Variants in SLC2A14 observed in about 807,000 individuals in gnomAD.
SLC2A14 encodes the protein solute carrier family 2 member 14, also known as solute carrier family 2, facilitated glucose transporter member 14.
Under a neutral mutation model 43.0 loss-of-function variants are expected in SLC2A14, and 13 were observed. The ratio of observed to expected loss-of-function variants is 0.30; its 90% CI spans 0.20 to 0.48. The LOEUF is 0.48. Among genes scored for constraint, SLC2A14 ranks in the 20% least tolerant of loss-of-function variants. SLC2A14 has a pLI of 0.99. For missense variants in SLC2A14, 428 were observed against 620.4 expected, an observed-to-expected ratio of 0.69 and a Z score of 3.29; for synonymous variants, 190 against 233.8, an observed-to-expected ratio of 0.81 and a Z score of 1.71.
At chr12:7,838,999 G>A (rs1487732848) in intron 2 of SLC2A14, among the ~76,000 whole-genome samples, 1 of 150,176 alleles carries the variant, frequency 6.7e-6, no homozygotes, top group African/African-American at 2.5e-5. Flanking sequence ...GCTACTGAAG[G>A]GAGAGGTCTC....
intron 2 of SLC2A14, among the ~76,000 whole-genome samples, chr12:7,856,008 A>G (rs1867341934): frequency 6.6e-6 from 1 of 152,146 alleles, no homozygotes; most frequent in Non-Finnish European, 1.5e-5. Context: ...TATAATTATA[A>G]TTAGCCATAT....
intron 2 of SLC2A14, among the ~76,000 whole-genome samples, chr12:7,867,417 A>G (rs1944986487): frequency 6.6e-6 from 1 of 152,008 alleles, no homozygotes; most frequent in African/African-American, 2.4e-5. Flanking sequence ...ACTTAAGTGG[A>G]GGAAGTAACT....
At chr12:7,887,806 C>G (rs1945712814) in intron 1 of SLC2A14, among the ~76,000 whole-genome samples, 3 of 152,118 alleles carry the variant, frequency 2.0e-5, no homozygotes, top group African/African-American at 4.8e-5. Context: ...GGCACCCATG[C>G]CTTCCTATAA....
Position 7,813,016 on chromosome 12 carries a change from G to T in SLC2A14, c.*1300C>A, listed in dbSNP as rs1043682691. 9.9e-5 allele frequency: 15 copies of T among 151,880 alleles called. No individual in the cohort carries two copies. Among genetic ancestry groups the T allele is most frequent in the African/African-American group, 3.6e-4 (15 of 41,322 alleles). The allele number at this position is 151,880 out of a possible 1,614,324, so 9.4% of individuals were successfully genotyped here. A position where few individuals can be genotyped will look rare whatever the true frequency, so the allele number is the denominator to read the frequency against. ...TTTATTGGAAAGATTCAAGTCCCCT[G>T]AGGGCATTCGGCATAGGACCACAGT... On this transcript the variant is annotated 3_prime_UTR_variant, in exon 11 of 11. Transcript: ENST00000431042.
At chr12:7,816,565 C>G (rs1262858070) in intron 10 of SLC2A14, among the ~76,000 whole-genome samples, 1 of 149,128 alleles carries the variant, frequency 6.7e-6, no homozygotes, top group Non-Finnish European at 1.5e-5. Context: ...ATTTTATGGA[C>G]AAAAGATATA....
intron 1 of SLC2A14, chr12:7,872,490 T>C (rs1945288881): frequency 6.6e-6 from 1 of 152,446 alleles, no homozygotes; most frequent in South Asian, 2.1e-4. Context: ...TACGGCATTT[T>C]GTTACGTATC....
upstream of SLC2A14, among the ~76,000 whole-genome samples, chr12:7,874,787 AAATATATAAAT>A (rs1565584560): frequency 4.9e-4 from 1 of 2,054 alleles, no homozygotes; most frequent in African/African-American, 6.4e-4. Flanking sequence ...ATAAATATAT[AAATATATAAAT>A]AATATATAAA....
intron 2 of SLC2A14, among the ~76,000 whole-genome samples, chr12:7,869,480 T>G (rs1404272286): frequency 2.6e-5 from 4 of 152,198 alleles, no homozygotes; most frequent in Admixed American, 2.6e-4. Flanking sequence ...TATTACTGTG[T>G]ACATTCATAT....
chr12:7,876,499 T>C (rs1219863110), upstream of SLC2A14, among the ~76,000 whole-genome samples: 1 of 145,136 alleles, frequency 6.9e-6, no homozygotes, highest in Non-Finnish European at 1.5e-5. Context: ...TTGGTGGAAA[T>C]GTAAATTGGT....
intron 2 of SLC2A14, among the ~76,000 whole-genome samples, chr12:7,862,514 C>T (rs747280578): frequency 3.9e-5 from 6 of 152,168 alleles, no homozygotes; most frequent in Non-Finnish European, 7.4e-5. Flanking sequence ...CGACGAATGC[C>T]GCCCCCTGCT....
At chr12:7,882,963 G>C (rs1016879172) in intron 1 of SLC2A14, among the ~76,000 whole-genome samples, 8 of 151,682 alleles carry the variant, frequency 5.3e-5, no homozygotes, top group Non-Finnish European at 7.4e-5. Flanking sequence ...GTAATCCCAG[G>C]ACTTCGGGAG....
rs1365557107 is a variant in SLC2A14 at position 7,871,534 on chromosome 12, G to A, written c.-58+1273C>T. 2.6e-5 allele frequency among the ~76,000 whole-genome samples: 4 copies of A among 152,072 alleles called. No homozygotes were observed. The South Asian group carries it at 8.3e-4, about 32-fold the overall frequency. On this transcript the variant is annotated intron_variant, in intron 1 of 10. Coordinates refer to ENST00000431042, the MANE Select transcript of SLC2A14 (RefSeq NM_001286234.2). ...GCTCCCAGTGGAGAAATCACGCCAA[G>A]AGAAGTGCAGTGCAGGACTGAGGCA... is the stretch of plus-strand genomic sequence containing the variant.
At chr12:7,887,360 A>T (rs7312671) in intron 1 of SLC2A14, among the ~76,000 whole-genome samples, 1 of 152,012 alleles carries the variant, frequency 6.6e-6, no homozygotes, top group Admixed American at 6.6e-5. Flanking sequence ...CCTGATCCCT[A>T]CCACCAAAGA....
chr12:7,882,139 T>G (rs1381016475), intron 1 of SLC2A14, among the ~76,000 whole-genome samples: 1 of 152,092 alleles, frequency 6.6e-6, no homozygotes, highest in Admixed American at 6.6e-5. Flanking sequence ...GCTCAGTTTT[T>G]GGGTCTGCAC....
intron 2 of SLC2A14, among the ~76,000 whole-genome samples, chr12:7,867,172 T>A (rs1944959138): frequency 6.7e-6 from 1 of 149,966 alleles, no homozygotes; most frequent in African/African-American, 2.5e-5. Flanking sequence ...CCAGCTACTC[T>A]GGAGGCTGAG....
intron 1 of SLC2A14, among the ~76,000 whole-genome samples, chr12:7,880,012 G>C (rs111298351): frequency 1.3e-5 from 2 of 150,076 alleles, no homozygotes; most frequent in African/African-American, 4.9e-5. Flanking sequence ...AAAAAAATAA[G>C]AAACAACAGG....
chr12:7,880,171 C>A (rs948364894), intron 1 of SLC2A14, among the ~76,000 whole-genome samples: 1 of 151,538 alleles, frequency 6.6e-6, no homozygotes, highest in African/African-American at 2.4e-5. Context: ...TGTAGTGGAG[C>A]GTGCCTGTAA....
At chr12:7,814,685 T>A in intron 10 of SLC2A14, 151 bp from the exon 11 acceptor site, 1 of 908,580 alleles carries the variant, frequency 1.1e-6, no homozygotes, top group Admixed American at 2.9e-5. Context: ...GATTTACTTA[T>A]GATTCTATTG....
At chr12:7,838,825 C>G (rs1465452840) in intron 2 of SLC2A14, among the ~76,000 whole-genome samples, 12 of 152,210 alleles carry the variant, frequency 7.9e-5, no homozygotes, top group Admixed American at 7.2e-4. Context: ...TAGAATGGAA[C>G]TGTATTTGGA....
Sources: gnomAD v4.1 joint callset for allele counts (sites outside exome capture counted in the v4.1 genomes callset) on GRCh38, gnomAD v4.1.1 for gene constraint, MANE v1.5 for transcripts, NCBI Gene and HGNC (gene_info 2026-07-23, HGNC 2026-07-21) for gene names.